UROS: variants seen among roughly 807,000 people sequenced by gnomAD.
UROS encodes the protein uroporphyrinogen III synthase.
A neutral mutation model predicts 33.0 loss-of-function variants in UROS; 18 were observed. That is an observed-to-expected ratio of 0.55 (90% CI 0.38 to 0.81). UROS has a LOEUF of 0.81. Ranked by LOEUF, UROS falls within the 30% of genes least tolerant of loss-of-function variation. The probability of loss-of-function intolerance (pLI) is 0.00; values close to 1 mark genes in which losing one functional copy is unlikely to be tolerated. For missense variants in UROS, 293 were observed against 314.9 expected (o/e 0.93, Z 0.53); for synonymous variants, 114 against 121.1 (o/e 0.94, Z 0.38).
intron 7 of UROS, among the ~76,000 whole-genome samples, chr10:125,797,425 G>A (rs1851457266): frequency 6.6e-6 from 1 of 152,166 alleles, no homozygotes; most frequent in South Asian, 2.1e-4. Flanking sequence ...CATTCACATA[G>A]CTAATAAACA....
intron 5 of UROS, among the ~76,000 whole-genome samples, chr10:125,809,209 T>C (rs1320786701): frequency 6.6e-6 from 1 of 152,212 alleles, no homozygotes. Flanking sequence ...TAAGCTATCT[T>C]CTGTGACATC....
intron 9 of UROS, among the ~76,000 whole-genome samples, chr10:125,789,735 G>C (rs1476111305): frequency 6.6e-6 from 1 of 152,232 alleles, no homozygotes; most frequent in Non-Finnish European, 1.5e-5. Flanking sequence ...AGCACCACAG[G>C]CTCGATGGTT....
downstream of UROS, chr10:125,785,605 G>A (rs1850614272): frequency 6.6e-6 from 1 of 152,226 alleles, no homozygotes; most frequent in African/African-American, 2.4e-5. Flanking sequence ...CTCATTAAGT[G>A]AGTGACCACG....
chr10:125,818,422 G>A (rs1324206415), intron 1 of UROS, among the ~76,000 whole-genome samples: 1 of 152,116 alleles, frequency 6.6e-6, no homozygotes, highest in Non-Finnish European at 1.5e-5. Context: ...GAGCCCAGGA[G>A]TTCAAGGTTG....
At chr10:125,802,288 C>T (rs993151490) in intron 6 of UROS, 2 of 985,648 alleles carry the variant, frequency 2.0e-6, no homozygotes, top group Non-Finnish European at 2.4e-6. Flanking sequence ...GGCACGGGGC[C>T]CAACCAGTGC....
chr10:125,795,934 C>T (rs1485402325), intron 8 of UROS, among the ~76,000 whole-genome samples, 169 bp downstream of exon 8: 1 of 152,170 alleles, frequency 6.6e-6, no homozygotes, highest in Non-Finnish European at 1.5e-5. Flanking sequence ...TGTTTCCATT[C>T]CTAATTCTAG....
downstream of UROS, among the ~76,000 whole-genome samples, chr10:125,787,988 C>T (rs1334019123): frequency 6.6e-6 from 1 of 152,176 alleles, no homozygotes; most frequent in Non-Finnish European, 1.5e-5. Context: ...AGTCTGTTTC[C>T]TCACCAGAAA....
At chr10:125,796,366 G>A (rs993083352) in intron 7 of UROS, among the ~76,000 whole-genome samples, 178 bp from the exon 8 acceptor site, 1 of 152,230 alleles carries the variant, frequency 6.6e-6, no homozygotes, top group Non-Finnish European at 1.5e-5. Flanking sequence ...TCTGCAGCCT[G>A]CTAAACGCTG....
chr10:125,787,088 G>C (rs537677010), downstream of UROS, among the ~76,000 whole-genome samples: 43 of 152,346 alleles, frequency 2.8e-4, no homozygotes, highest in African/African-American at 1.0e-3. Flanking sequence ...TCTGAAACAA[G>C]GCTTCGCCAG....
intron 9 of UROS, among the ~76,000 whole-genome samples, chr10:125,790,770 C>CA (rs1430587638): frequency 5.9e-5 from 7 of 117,666 alleles, no homozygotes; most frequent in African/African-American, 2.3e-4. Context: ...GCAACGAGAG[C>CA]AAAACTCCAT....
At chr10:125,802,413 C>G (rs989235892) in intron 6 of UROS, 1 of 985,708 alleles carries the variant, frequency 1.0e-6, no homozygotes, top group African/African-American at 1.7e-5. Flanking sequence ...GAAAATGACC[C>G]CCAGCAATCC....
At chr10:125,821,179 T>C (rs1853848040) in intron 1 of UROS, among the ~76,000 whole-genome samples, 1 of 152,236 alleles carries the variant, frequency 6.6e-6, no homozygotes, top group Non-Finnish European at 1.5e-5. Flanking sequence ...GAACAGATAT[T>C]TGATACTCAT....
chr10:125,797,280 T>C (rs1215321514), intron 7 of UROS, among the ~76,000 whole-genome samples: 1 of 152,176 alleles, frequency 6.6e-6, no homozygotes, highest in Non-Finnish European at 1.5e-5. Context: ...CATGGAGAGC[T>C]TGCCTTTGGA....
intron 8 of UROS, 30 bp downstream of exon 8, chr10:125,796,073 C>G: frequency 6.2e-7 from 1 of 1,611,572 alleles, no homozygotes; most frequent in Non-Finnish European, 8.5e-7. Flanking sequence ...GGCACCCACC[C>G]TGCCAGAACC....
Position 125,794,790 on chromosome 10 carries a change from C to T in UROS, c.660+90G>A. The stretch of plus-strand genomic sequence containing the variant: ...GGCACCTGCTAGGCCAGGGGTGTCT[C>T]ACTTGACATTGAAGCCCTAGGATAA... On this transcript the variant is annotated intron_variant, in intron 9 of 9. Coordinates refer to ENST00000368797, the MANE Select transcript of UROS (RefSeq NM_000375.3). The T allele has an allele frequency of 9.4e-6, 12 of 1,271,506 alleles. 1 individual carries two copies. Among genetic ancestry groups the T allele is most frequent in the Non-Finnish European group, 1.3e-5 (12 of 909,058 alleles). The allele number at this position is 1,271,506 out of a possible 1,614,324, so 78.8% of individuals were successfully genotyped here.
chr10:125,808,767 G>A (rs1852551716), intron 5 of UROS, among the ~76,000 whole-genome samples: 3 of 152,348 alleles, frequency 2.0e-5, no homozygotes, highest in Admixed American at 1.3e-4. Flanking sequence ...GCAGTGGCCA[G>A]CTCTATTTGT....
chr10:125,797,928 T>C (rs1851503409), intron 7 of UROS, 137 bp downstream of exon 7: 1 of 937,118 alleles, frequency 1.1e-6, no homozygotes, highest in Non-Finnish European at 1.7e-6. Flanking sequence ...ATGGTCTCTG[T>C]GTCTCCTGGC....
chr10:125,794,678 A>G (rs1244942867), intron 9 of UROS, among the ~76,000 whole-genome samples: 2 of 152,166 alleles, frequency 1.3e-5, no homozygotes, highest in Non-Finnish European at 2.9e-5. Context: ...AATTATCCCC[A>G]TGCTGCAAGT....
chr10:125,794,889 A>T lies in UROS; in HGVS notation c.651T>A (p.Asp217Glu), dbSNP rs1385501006. The T allele has an allele frequency of 1.2e-6, 2 of 1,613,280 alleles. No homozygotes were observed. Among genetic ancestry groups the T allele is most frequent in the African/African-American group, 2.7e-5 (2 of 74,986 alleles). Residue 217 changes from aspartate to glutamate, a missense_variant, in exon 9 of 10, where the codon GAT (aspartate) becomes GAA (glutamate). By Grantham distance (45) the Asp-to-Glu change is conservative. Coordinates refer to ENST00000368797, the MANE Select transcript of UROS (RefSeq NM_000375.3). ...HIQELSGDNI[D>E]QIKFAAIGPT... ...TCATTGAATAACTTACCTTAATTTGATCGATATTGTCACCAGATAACTCCT... is the reference window on the plus strand; with the variant it reads ...TCATTGAATAACTTACCTTAATTTGTTCGATATTGTCACCAGATAACTCCT...
Sources: allele counts gnomAD v4.1 joint callset (sites outside exome capture counted in the v4.1 genomes callset), GRCh38; gene constraint gnomAD v4.1.1; transcripts MANE v1.5; gene names NCBI Gene and HGNC (gene_info 2026-07-23, HGNC 2026-07-21).